The following AP3B2 variants were observed in gnomAD, a reference collection of about 807,000 sequenced individuals.
AP3B2 encodes the protein AP-3 complex subunit beta-2.
Under a neutral mutation model 126.9 loss-of-function variants are expected in AP3B2, and 50 were observed. The ratio of observed to expected loss-of-function variants is 0.39; its 90% CI spans 0.31 to 0.50. The LOEUF (loss-of-function observed/expected upper bound fraction) is 0.50. AP3B2 is among the 20% of genes least tolerant of loss of function. The probability of loss-of-function intolerance (pLI) is 0.79; values close to 1 mark genes in which losing one functional copy is unlikely to be tolerated. For missense variants in AP3B2, 1,177 were observed against 1,426.4 expected, an observed-to-expected ratio of 0.83 and a Z score of 2.82; for synonymous variants, 541 against 565.0, an observed-to-expected ratio of 0.96 and a Z score of 0.60.
chr15:82,681,077 T>G lies in AP3B2; in HGVS notation c.588+35A>C, dbSNP rs1596182866. The G allele has an allele frequency of 6.2e-7, 1 of 1,613,414 alleles. No individual in the cohort carries two copies. The highest frequency in any genetic ancestry group is 1.7e-5 in the Admixed American group (1 of 60,002). ...CGAAGGGTGGAAGGCCGGCTGCCGG[T>G]CACCACCCCTCCCGGAGCGCCCCTA... On this transcript the variant is annotated intron_variant, in intron 6 of 26. Transcript: ENST00000535359. The surrounding 1 kb of genome is among the most constrained non-coding windows in gnomAD (Gnocchi z 4.0).
At chr15:82,661,683 C>T in intron 25 of AP3B2, 142 bp downstream of exon 25, 1 of 658,466 alleles carries the variant, frequency 1.5e-6, no homozygotes, top group Non-Finnish European at 2.7e-6. Context: ...AAGCCTAAAA[C>T]ATTTATCTTT....
chr15:82,676,130 G>C (rs2048238585), intron 14 of AP3B2, among the ~76,000 whole-genome samples: 1 of 152,176 alleles, frequency 6.6e-6, no homozygotes, highest in Non-Finnish European at 1.5e-5. Flanking sequence ...TCTCCCATCA[G>C]TACCTGCCAC....
Position 82,680,606 on chromosome 15 carries a change from G to T in AP3B2, c.921C>A (p.Arg307=), listed in dbSNP as rs1162113090. ...VMDPDHRLLL[R]NTKPLLQSRS... ...GGCTCTGCAGCAGGGGTTTGGTGTT[G>T]CGCAGCAGCAGCCGGTGGTCGGGGT... is the stretch of plus-strand genomic sequence containing the variant. Residue 307 remains arginine, a synonymous_variant, in exon 8 of 27, where the codon CGC becomes CGA. Coordinates refer to ENST00000535359, the MANE Select transcript of AP3B2 (RefSeq NM_001278512.2). The surrounding 1 kb of genome is among the most constrained non-coding windows in gnomAD (Gnocchi z 6.1). 2 of 1,595,658 alleles carry T rather than the reference G, an allele frequency of 1.3e-6. No homozygotes were observed. The highest frequency in any genetic ancestry group is 1.7e-5 in the Admixed American group (1 of 59,634).
intron 25 of AP3B2, among the ~76,000 whole-genome samples, chr15:82,661,411 A>T (rs2151426573): frequency 6.6e-6 from 1 of 152,352 alleles, no homozygotes; most frequent in Admixed American, 6.5e-5. Context: ...TGCAAATTAC[A>T]GCCTCCAGAC....
At chr15:82,706,907 A>G (rs1013492923) in intron 1 of AP3B2, among the ~76,000 whole-genome samples, 2 of 152,138 alleles carry the variant, frequency 1.3e-5, no homozygotes, top group Non-Finnish European at 2.9e-5. Context: ...CTACACATCA[A>G]GCCTGGGGAT....
rs567737882 is a variant in AP3B2, at chr15:82,660,071, CA to C, written c.3017-89del. The C allele has an allele frequency of 2.9e-5, 43 of 1,498,226 alleles. No homozygotes were observed. The East Asian group carries it at 8.4e-4, about 29-fold the overall frequency. 92.8% of individuals were successfully genotyped at this position (1,498,226 alleles called of 1,614,324 possible). A position where few individuals can be genotyped will look rare whatever the true frequency, so the allele number is the denominator to read the frequency against. ...CTGCTTACTGAGCAACAAGTTCTCC[CA>C]GGCTGGGAAGGTATCATGCAAAGGG... On this transcript the variant is annotated intron_variant, in intron 25 of 26. Transcript: ENST00000535359.
intron 1 of AP3B2, 183 bp from the exon 2 acceptor site, chr15:82,689,636 A>G (rs17841171): frequency 0.11 from 65,073 of 605,796 alleles, 4,735 homozygotes; most frequent in East Asian, 0.32. Flanking sequence ...TGGCCAGCTA[A>G]TATTGTGGGT....
intron 1 of AP3B2, chr15:82,708,782 T>G (rs1210206591): frequency 6.5e-6 from 1 of 152,716 alleles, no homozygotes; most frequent in Non-Finnish European, 1.5e-5. Flanking sequence ...CTCACGCTCC[T>G]GTCTTCCTTC....
At chr15:82,687,034 T>A (rs2048439129) in intron 4 of AP3B2, 1 of 152,162 alleles carries the variant, frequency 6.6e-6, no homozygotes, top group Admixed American at 6.5e-5. Context: ...AATCAATTTT[T>A]AAAAATTATA....
At chr15:82,679,615 C>T (rs749954491) in intron 10 of AP3B2, 114 bp downstream of exon 10, 20 of 1,009,742 alleles carry the variant, frequency 2.0e-5, no homozygotes, top group South Asian at 1.2e-4. Flanking sequence ...GTCATGGGCT[C>T]CTGGGCTCAG....
rs536715459 is a variant in AP3B2 at position 82,697,583 on chromosome 15, G to A, written c.114-8130C>T. On this transcript the variant is annotated intron_variant, in intron 1 of 26. Transcript: ENST00000535359. ...CTGCAGAAATGCGTGAGTACCTGAC[G>A]TCAGACAAGAAGAGGGGCACTAAGA... is the stretch of plus-strand genomic sequence containing the variant. Among the ~76,000 whole-genome samples, 14 of 152,318 alleles carry A rather than the reference G, an allele frequency of 9.2e-5. No individual in the cohort carries two copies. In the South Asian group the frequency reaches 1.2e-3, roughly 14 times the overall value.
chr15:82,681,388 C>G lies in AP3B2; in HGVS notation c.521+32G>C. ...GGGTTGAGAACTTAGGAACCAGCCT[C>G]CTGGGGAGCGTGGGACAGGGCTGGG... On this transcript the variant is annotated intron_variant, in intron 5 of 26. Coordinates refer to ENST00000535359, the MANE Select transcript of AP3B2 (RefSeq NM_001278512.2). The surrounding 1 kb of genome is among the most constrained non-coding windows in gnomAD (Gnocchi z 4.0). The G allele has an allele frequency of 6.2e-7, 1 of 1,610,590 alleles. No homozygotes were observed. Among genetic ancestry groups the G allele is most frequent in the Non-Finnish European group, 8.5e-7 (1 of 1,178,014 alleles).
chr15:82,681,102 A>G lies in AP3B2; in HGVS notation c.588+10T>C, dbSNP rs1286477771. ...TCACCACCCCTCCCGGAGCGCCCCT[A>G]TACACGCACCGTGGTCTTGTCAGCC... On this transcript the variant is annotated intron_variant, in intron 6 of 26. Transcript: ENST00000535359. This position sits in a 1 kb window ranked among gnomAD's most constrained non-coding sequence, Gnocchi z 4.0. 2 of 1,613,570 alleles carry G rather than the reference A, an allele frequency of 1.2e-6. No individual in the cohort carries two copies. The highest frequency in any genetic ancestry group is 1.7e-6 in the Non-Finnish European group (2 of 1,179,780).
At position 82,659,488 on chromosome 15, in the gene AP3B2, TGA is replaced by T; in HGVS notation, c.*70_*71del. 6.4e-7 allele frequency: 1 copy of T among 1,561,506 alleles called. No homozygotes were observed. Among genetic ancestry groups the T allele is most frequent in the Non-Finnish European group, 8.7e-7 (1 of 1,143,526 alleles). ...GGATGATGAGAGAGAGAGAGAAAGA[TGA>T]GAGAGACTGACAGCCTAGGTGTCAT... On this transcript the variant is annotated 3_prime_UTR_variant, in exon 27 of 27. Coordinates refer to ENST00000535359, the MANE Select transcript of AP3B2 (RefSeq NM_001278512.2).
At chr15:82,688,531 C>A (rs1439961156) in intron 4 of AP3B2, 1 of 704,482 alleles carries the variant, frequency 1.4e-6, no homozygotes, top group African/African-American at 1.7e-5. Context: ...TGGGTACCCA[C>A]TTCATCTCTT....
chr15:82,675,337 T>C (rs1007694302), intron 14 of AP3B2, among the ~76,000 whole-genome samples: 4 of 152,210 alleles, frequency 2.6e-5, no homozygotes, highest in African/African-American at 9.6e-5. Flanking sequence ...CTGCTGTCCT[T>C]TGACTCCTGA....
chr15:82,671,908 G>A (rs1403692936), intron 14 of AP3B2, among the ~76,000 whole-genome samples: 7 of 152,064 alleles, frequency 4.6e-5, no homozygotes, highest in African/African-American at 1.4e-4. Context: ...GCCAGACTTG[G>A]TGGCGGGCGC....
chr15:82,704,622 G>A (rs926635646), intron 1 of AP3B2, among the ~76,000 whole-genome samples: 2 of 152,310 alleles, frequency 1.3e-5, no homozygotes, highest in Middle Eastern at 3.4e-3. Context: ...ACTGGAAATC[G>A]GACTGTCCAA....
rs1409976651 is a variant in AP3B2 at position 82,709,691 on chromosome 15, CG to C, written c.15del (p.Ala6ProfsTer37). On this transcript the variant is annotated frameshift_variant, in exon 1 of 27. Coordinates refer to ENST00000535359, the MANE Select transcript of AP3B2 (RefSeq NM_001278512.2). LOFTEE classifies it high-confidence loss of function. Reference sequence around the variant, plus strand: ...GAGCCGCCCTTGTCTTCGCTGTAGGCGGGGGCGGCCGACATGGGGCGGCCAG... The same window carrying C: ...GAGCCGCCCTTGTCTTCGCTGTAGGCGGGGCGGCCGACATGGGGCGGCCAG... MSAA[P>X]AYSEDKGGSA... The C allele has an allele frequency of 6.7e-7, 1 of 1,492,900 alleles. No individual in the cohort carries two copies. The highest frequency in any genetic ancestry group is 8.9e-7 in the Non-Finnish European group (1 of 1,122,622). The allele number at this position is 1,492,900 out of a possible 1,614,324, so 92.5% of individuals were successfully genotyped here. A position where few individuals can be genotyped will look rare whatever the true frequency, so the allele number is the denominator to read the frequency against.
Sources: gnomAD v4.1 joint callset for allele counts (sites outside exome capture counted in the v4.1 genomes callset) on GRCh38, gnomAD v4.1.1 for gene constraint, Gnocchi (gnomAD v3.1) non-coding constraint, MANE v1.5 for transcripts, NCBI Gene and HGNC (gene_info 2026-07-23, HGNC 2026-07-21) for gene names.